The following LRRC20 variants were observed in gnomAD, a reference collection of about 807,000 sequenced individuals.
The protein encoded by LRRC20 is leucine rich repeat containing 20.
A neutral mutation model predicts 14.4 loss-of-function variants in LRRC20; 11 were observed. The observed-to-expected ratio is 0.77, with a 90% CI of 0.48 to 1.27. The LOEUF (loss-of-function observed/expected upper bound fraction) is 1.27. Among genes scored for constraint, LRRC20 ranks in the 50% most tolerant of loss-of-function variants. The pLI is 0.00. For missense variants in LRRC20, 219 were observed against 251.2 expected (o/e 0.87, Z 0.87); for synonymous variants, 121 against 107.3 (o/e 1.13, Z -0.79).
chr10:70,323,725 G>A (rs61858216), intron 4 of LRRC20, 138 bp downstream of exon 4: 142,993 of 934,058 alleles, frequency 0.15, 11,634 homozygotes, highest in Middle Eastern at 0.25. Context: ...ACCTTCCCAG[G>A]CCCCATGTCC....
At chr10:70,315,329 C>A (rs905913447) in intron 4 of LRRC20, among the ~76,000 whole-genome samples, 5 of 152,156 alleles carry the variant, frequency 3.3e-5, no homozygotes, top group Admixed American at 2.0e-4. Context: ...TTCCCAAATG[C>A]CCAAATTCAA....
At chr10:70,337,192 AGAG>A (rs762967983) in intron 3 of LRRC20, among the ~76,000 whole-genome samples, 3 of 152,216 alleles carry the variant, frequency 2.0e-5, no homozygotes, top group Non-Finnish European at 4.4e-5. Flanking sequence ...GCAAGCACCC[AGAG>A]GAGGACAGAG....
At chr10:70,376,121 G>A (rs1191628483) in intron 2 of LRRC20, among the ~76,000 whole-genome samples, 1 of 152,042 alleles carries the variant, frequency 6.6e-6, no homozygotes, top group African/African-American at 2.4e-5. Context: ...TTCAGGAGGC[G>A]CCCAGCACGG....
chr10:70,365,569 T>C (rs1843953997), intron 2 of LRRC20, among the ~76,000 whole-genome samples: 1 of 152,202 alleles, frequency 6.6e-6, no homozygotes, highest in Non-Finnish European at 1.5e-5. Context: ...CATGCACTTG[T>C]AGTTCCAGCT....
chr10:70,302,039 C>T (rs1292576249), intron 4 of LRRC20, among the ~76,000 whole-genome samples: 5 of 152,154 alleles, frequency 3.3e-5, no homozygotes, highest in Admixed American at 2.0e-4. Flanking sequence ...CTAGGCCAGT[C>T]GTGGTGGCTC....
rs77215867 is a variant in LRRC20, at chr10:70,355,458, C to T, written c.83-14756G>A. ...GGAAGAGCTCACCGAGGACCACATA[C>T]GTCCAGAAAGTCCCACCGCAATAGC... On this transcript the variant is annotated intron_variant, in intron 2 of 4. Transcript: ENST00000446961. 4.7e-3 allele frequency among the ~76,000 whole-genome samples: 713 copies of T among 152,214 alleles called. 9 individuals carry two copies. The highest frequency in any genetic ancestry group is 0.017 in the African/African-American group (688 of 41,514).
intron 4 of LRRC20, among the ~76,000 whole-genome samples, chr10:70,309,747 CCT>C (rs1354462795): frequency 1.3e-5 from 2 of 152,252 alleles, no homozygotes; most frequent in Non-Finnish European, 2.9e-5. Flanking sequence ...TCCCGTGTCT[CCT>C]CTGTCCCTCA....
At chr10:70,340,408 G>A (rs1842869680) in intron 3 of LRRC20, 145 bp downstream of exon 3, 1 of 909,568 alleles carries the variant, frequency 1.1e-6, no homozygotes, top group Non-Finnish European at 1.7e-6. Context: ...GAGAACACAG[G>A]TCCATTTTCA....
rs539698674 is a variant in LRRC20, at chr10:70,335,047, G to A, written c.232+5506C>T. 1.3e-4 allele frequency among the ~76,000 whole-genome samples: 20 copies of A among 152,284 alleles called. 1 individual carries two copies. The South Asian group carries it at 3.7e-3, about 28-fold the overall frequency. On this transcript the variant is annotated intron_variant, in intron 3 of 4. Coordinates refer to ENST00000446961, the MANE Select transcript of LRRC20 (RefSeq NM_001278212.2). ...GTGGGCTCACCCTGGGCACATCTCC[G>A]AGGTCACCCCTGGGAGGGCCTGGCT...
rs190881473 is a variant in LRRC20 at position 70,368,115 on chromosome 10, C to A, written c.82+8337G>T. 5.1e-4 allele frequency among the ~76,000 whole-genome samples: 76 copies of A among 149,546 alleles called. No homozygotes were observed. In the East Asian group the frequency reaches 0.013, roughly 25 times the overall value. Reference sequence around the variant, plus strand: ...TCTCCAGCTTCAGCCTCTCAAGTAGCTGAGACTACAGGCATGCATCACCAT... The same window carrying A: ...TCTCCAGCTTCAGCCTCTCAAGTAGATGAGACTACAGGCATGCATCACCAT... On this transcript the variant is annotated intron_variant, in intron 2 of 4. Transcript: ENST00000446961.
At chr10:70,375,887 G>A (rs924293546) in intron 2 of LRRC20, among the ~76,000 whole-genome samples, 4 of 152,192 alleles carry the variant, frequency 2.6e-5, no homozygotes, top group African/African-American at 9.7e-5. Context: ...ATGCTTAGGA[G>A]TCTTGGGGTA....
chr10:70,374,047 C>G (rs1844407098), intron 2 of LRRC20, among the ~76,000 whole-genome samples: 1 of 152,204 alleles, frequency 6.6e-6, no homozygotes, highest in African/African-American at 2.4e-5. Context: ...GGTTGAAGTT[C>G]AGGGGCTCCT....
intron 4 of LRRC20, among the ~76,000 whole-genome samples, chr10:70,318,836 C>G (rs953905953): frequency 2.6e-5 from 4 of 151,762 alleles, no homozygotes; most frequent in Non-Finnish European, 5.9e-5. Flanking sequence ...GAGACAGGGT[C>G]TCACTCTGTG....
chr10:70,355,750 C>T (rs1443981143), intron 2 of LRRC20, among the ~76,000 whole-genome samples: 1 of 152,184 alleles, frequency 6.6e-6, no homozygotes, highest in Non-Finnish European at 1.5e-5. Context: ...TGTTTTTCCT[C>T]AAACGCCCAA....
chr10:70,368,157 C>CCT (rs1554843935), intron 2 of LRRC20, among the ~76,000 whole-genome samples: 1 of 102,814 alleles, frequency 9.7e-6, no homozygotes, highest in African/African-American at 4.0e-5. Flanking sequence ...CTAATTTTTG[C>CCT]TTTTTTTTTT....
chr10:70,301,461 T>A lies in LRRC20; in HGVS notation c.448A>T (p.Asn150Tyr). ...GCGTTGAGTGGGTTGAAGCGGAGGT[T>A]GATGCTGCGCAAGGCTGGCATGGCG... is the stretch of plus-strand genomic sequence containing the variant. ...LAAMPALRSI[N>Y]LRFNPLNAEV... The change falls in exon 5 of 5, where the codon AAC (asparagine) becomes TAC (tyrosine). Residue 150 changes from asparagine (N) to tyrosine (Y), a missense_variant. Transcript: ENST00000446961. The A allele has an allele frequency of 6.2e-7, 1 of 1,614,074 alleles. No individual in the cohort carries two copies. Among genetic ancestry groups the A allele is most frequent in the Non-Finnish European group, 8.5e-7 (1 of 1,180,034 alleles).
At chr10:70,332,418 C>T (rs988634667) in intron 3 of LRRC20, among the ~76,000 whole-genome samples, 2 of 152,222 alleles carry the variant, frequency 1.3e-5, no homozygotes, top group Non-Finnish European at 2.9e-5. Flanking sequence ...CTGAGACAGG[C>T]GGATCACTTG....
At chr10:70,344,247 T>G (rs766843553) in intron 2 of LRRC20, among the ~76,000 whole-genome samples, 1 of 151,894 alleles carries the variant, frequency 6.6e-6, no homozygotes, top group African/African-American at 2.4e-5. Flanking sequence ...AAAAGTCAAG[T>G]CAGGTCTGGC....
At position 70,323,930 on chromosome 10, in the gene LRRC20, G is replaced by A. The variant is rs745433201; in HGVS notation, c.333C>T (p.Asp111=). 3 of 1,614,234 alleles carry A rather than the reference G, an allele frequency of 1.9e-6. No homozygotes were observed. In the Admixed American group the frequency reaches 5.0e-5, roughly 27 times the overall value. ...AIDLSRNQFQ[D]FPEQLTALPA... ...GCAGGGCGGTAAGCTGCTCAGGGAA[G>A]TCCTGGAACTGGTTCCGGGACAGGT... Residue 111 remains aspartate (D), a synonymous_variant, in exon 4 of 5, where the codon GAC becomes GAT. Transcript: ENST00000446961.
Sources: gnomAD v4.1 joint callset for allele counts (sites outside exome capture counted in the v4.1 genomes callset) on GRCh38, gnomAD v4.1.1 for gene constraint, MANE v1.5 for transcripts, NCBI Gene and HGNC (gene_info 2026-07-23, HGNC 2026-07-21) for gene names.